Variants in SPAG9 observed in about 807,000 individuals in gnomAD.
The protein encoded by SPAG9 is C-Jun-amino-terminal kinase-interacting protein 4.
A neutral mutation model predicts 166.5 loss-of-function variants in SPAG9; 35 were observed. The observed-to-expected ratio is 0.21, with a 90% CI of 0.16 to 0.28. The LOEUF (loss-of-function observed/expected upper bound fraction) is 0.28, where lower values mean the gene tolerates loss of function less well. Among genes scored for constraint, SPAG9 ranks in the 10% least tolerant of loss-of-function variants. The pLI, the probability that SPAG9 is intolerant of heterozygous loss-of-function variation, is 1.00. For missense variants in SPAG9, 1,235 were observed against 1,603.3 expected (o/e 0.77, Z 3.92); for synonymous variants, 534 against 565.5 (o/e 0.94, Z 0.79).
chr17:51,032,842 G>A (rs1056187291), intron 5 of SPAG9, among the ~76,000 whole-genome samples: 2 of 152,042 alleles, frequency 1.3e-5, no homozygotes, highest in South Asian at 2.1e-4. Context: ...GCTGAGGCAG[G>A]AGAATCGCTT....
Position 51,014,315 on chromosome 17 carries a change from C to A in SPAG9, c.1130G>T (p.Arg377Leu), listed in dbSNP as rs752891486. 2 of 1,613,162 alleles carry A rather than the reference C, an allele frequency of 1.2e-6. No homozygotes were observed. Among genetic ancestry groups the A allele is most frequent in the Non-Finnish European group, 1.7e-6 (2 of 1,179,322 alleles). ...TTCTTCAAAGAGAGATTCTGTATTG[C>A]GATCAAAAGCTTTGTTCTCTATGCC... The part of the protein sequence containing the change: ...TKGIENKAFD[R>L]NTESLFEELS... Residue 377 changes from arginine (R) to leucine (L), a missense_variant, in exon 9 of 30, where the codon CGC becomes CTC. Around this residue, in one of 6 missense-constraint regions of SPAG9, gnomAD observed 288 missense variants for 323.7 expected, o/e 0.89. Coordinates refer to ENST00000262013, the MANE Select transcript of SPAG9 (RefSeq NM_001130528.3).
chr17:50,988,621 T>C (rs534691678), intron 21 of SPAG9, among the ~76,000 whole-genome samples: 14 of 152,294 alleles, frequency 9.2e-5, no homozygotes, highest in African/African-American at 3.4e-4. Context: ...GGTGATATCA[T>C]GGCCCACTGT....
Position 51,053,854 on chromosome 17 carries a change from A to ATAT in SPAG9, c.495+2557_495+2558insATA, listed in dbSNP as rs1491529465. Among the ~76,000 whole-genome samples the ATAT allele has an allele frequency of 7.3e-3, 252 of 34,420 alleles. 5 individuals are homozygous for ATAT. Among genetic ancestry groups the ATAT allele is most frequent in the Middle Eastern group, 0.024 (1 of 42 alleles). 22.6% of individuals were successfully genotyped at this position (34,420 alleles called of 152,430 possible). On this transcript the variant is annotated intron_variant, in intron 3 of 29. Transcript: ENST00000262013. Reference sequence around the variant, plus strand: ...CCCTAATTAAAAAAAAAAAAAAAAAAGTATATATATATATATATATATATA... The same window carrying ATAT: ...CCCTAATTAAAAAAAAAAAAAAAAAATATGTATATATATATATATATATATATA...
Position 50,995,071 on chromosome 17 carries a change from C to T in SPAG9, c.2212G>A (p.Asp738Asn). Residue 738 changes from aspartate (D) to asparagine (N), a missense_variant, in exon 18 of 30, where the codon GAT becomes AAT. By Grantham distance (23) the Asp-to-Asn change is conservative. Coordinates refer to ENST00000262013, the MANE Select transcript of SPAG9 (RefSeq NM_001130528.3). ...CACACACTTACCTTAAGTTCCTGAT[C>T]TAACTTATCTAAACTACTCTGAGAG... ...SASQSSLDKL[D>N]QELKEQQKEL... 6.2e-7 allele frequency: 1 copy of T among 1,612,462 alleles called. No homozygotes were observed. The highest frequency in any genetic ancestry group is 8.5e-7 in the Non-Finnish European group (1 of 1,178,998).
chr17:51,041,762 A>G, intron 4 of SPAG9, 111 bp from the exon 5 acceptor site: 4 of 963,854 alleles, frequency 4.2e-6, no homozygotes, highest in Non-Finnish European at 6.3e-6. Context: ...ATCACTCAAA[A>G]ATGACACTGT....
In SPAG9 at chr17:50,985,796, A is replaced by ATTTG; in HGVS notation, c.2940-19_2940-18insCAAA. 1 of 1,476,772 alleles carries ATTTG rather than the reference A, an allele frequency of 6.8e-7. No individual in the cohort carries two copies. Among genetic ancestry groups the ATTTG allele is most frequent in the Non-Finnish European group, 9.5e-7 (1 of 1,058,198 alleles). The allele number at this position is 1,476,772 out of a possible 1,614,324, so 91.5% of individuals were successfully genotyped here. On this transcript the variant is annotated intron_variant, in intron 22 of 29. Transcript: ENST00000262013. ...CATACAAACTGTAAGAACAAAGTCAACACTGGTAAGGCATAGAGAACATCA... is the reference window on the plus strand; with the variant it reads ...CATACAAACTGTAAGAACAAAGTCAATTTGCACTGGTAAGGCATAGAGAACATCA...
At chr17:51,086,778 TG>T (rs1455104159) in intron 1 of SPAG9, among the ~76,000 whole-genome samples, 2 of 151,938 alleles carry the variant, frequency 1.3e-5, no homozygotes, top group Admixed American at 1.3e-4. Flanking sequence ...AAAAGTTAGC[TG>T]GGCGTGGTGG....
chr17:51,036,874 G>C (rs1007742664), intron 5 of SPAG9, among the ~76,000 whole-genome samples: 2 of 152,166 alleles, frequency 1.3e-5, no homozygotes, highest in Admixed American at 6.5e-5. Context: ...AAGAGAAAGG[G>C]AAGATGAAGC....
chr17:51,098,121 C>T (rs1225112483), intron 1 of SPAG9, among the ~76,000 whole-genome samples: 1 of 151,848 alleles, frequency 6.6e-6, no homozygotes, highest in African/African-American at 2.4e-5. Context: ...ACTGCACCTG[C>T]CCTACCCCAC....
At chr17:51,097,213 C>A (rs1054763467) in intron 1 of SPAG9, among the ~76,000 whole-genome samples, 1 of 152,186 alleles carries the variant, frequency 6.6e-6, no homozygotes, top group Non-Finnish European at 1.5e-5. Context: ...GCACCACTAC[C>A]CCCATACCCT....
At chr17:51,093,723 A>G (rs2048536068) in intron 1 of SPAG9, among the ~76,000 whole-genome samples, 1 of 148,070 alleles carries the variant, frequency 6.8e-6, no homozygotes, top group East Asian at 2.0e-4. Context: ...AAAGAAAATT[A>G]TAACAGATCC....
intron 3 of SPAG9, among the ~76,000 whole-genome samples, chr17:51,053,133 G>A (rs953278692): frequency 6.6e-6 from 1 of 151,118 alleles, no homozygotes; most frequent in Non-Finnish European, 1.5e-5. Flanking sequence ...AAAGATTAGA[G>A]CTTCATTTTA....
intron 9 of SPAG9, among the ~76,000 whole-genome samples, chr17:51,012,090 T>G (rs2045509168): frequency 6.6e-6 from 1 of 152,206 alleles, no homozygotes; most frequent in African/African-American, 2.4e-5. Flanking sequence ...ATATTGATTC[T>G]GGTGAATTTT....
At position 51,109,380 on chromosome 17, in the gene SPAG9, G is replaced by A. The variant is rs574216540; in HGVS notation, c.303+10974C>T. Among the ~76,000 whole-genome samples the A allele has an allele frequency of 7.3e-5, 11 of 151,708 alleles. No homozygotes were observed. The East Asian group carries it at 2.1e-3, about 30-fold the overall frequency. ...GCCTCCGGAGTAGCTGGGATTACAG[G>A]CACACACCACCATGCCCAGCTAATT... On this transcript the variant is annotated intron_variant, in intron 1 of 29. Transcript: ENST00000262013.
intron 1 of SPAG9, among the ~76,000 whole-genome samples, chr17:51,096,281 G>A (rs1228391358): frequency 2.0e-5 from 3 of 151,348 alleles, no homozygotes; most frequent in African/African-American, 4.8e-5. Context: ...CCCAGGAGGC[G>A]GAGGTTGCAG....
At chr17:51,064,504 A>G (rs894492550) in intron 2 of SPAG9, among the ~76,000 whole-genome samples, 26 of 152,184 alleles carry the variant, frequency 1.7e-4, no homozygotes, top group African/African-American at 6.3e-4. Context: ...CCATAAAACA[A>G]TATTATCCGG....
chr17:51,089,523 C>T (rs981293193), intron 1 of SPAG9, among the ~76,000 whole-genome samples: 3 of 147,816 alleles, frequency 2.0e-5, no homozygotes, highest in South Asian at 4.3e-4. Flanking sequence ...CCAAAAACTA[C>T]CTGTTCCCCA....
intron 5 of SPAG9, among the ~76,000 whole-genome samples, chr17:51,032,143 A>G (rs2046407560): frequency 6.6e-6 from 1 of 152,138 alleles, no homozygotes; most frequent in Admixed American, 6.5e-5. Context: ...TGATCAAAGG[A>G]TCACCAAAAT....
At chr17:50,987,517 G>C (rs1302317834) in intron 21 of SPAG9, among the ~76,000 whole-genome samples, 1 of 145,708 alleles carries the variant, frequency 6.9e-6, no homozygotes, top group African/African-American at 2.6e-5. Context: ...TCAACTTTTA[G>C]TCAAAAAAAA....
Sources: allele counts gnomAD v4.1 joint callset (sites outside exome capture counted in the v4.1 genomes callset), GRCh38; gene constraint gnomAD v4.1.1; regional missense constraint gnomAD v4.1.1; transcripts MANE v1.5; gene names NCBI Gene and HGNC (gene_info 2026-07-23, HGNC 2026-07-21).